The following NAV2 variants were observed in gnomAD, a reference collection of about 807,000 sequenced individuals.
NAV2 encodes the protein helicase, APC down-regulated 1.
In NAV2, 54 loss-of-function variants were observed where a neutral mutation model predicts 223.2. The observed-to-expected ratio is 0.24, with a 90% confidence interval of 0.19 to 0.30. The LOEUF (loss-of-function observed/expected upper bound fraction) is 0.30, where lower values mean the gene tolerates loss of function less well. NAV2 is among the 10% of genes least tolerant of loss of function. The pLI is 1.00. For missense variants in NAV2, 2,806 were observed against 3,147.5 expected (o/e 0.89, Z 2.60); for synonymous variants, 1,279 against 1,239.3 (o/e 1.03, Z -0.67).
intron 11 of NAV2, among the ~76,000 whole-genome samples, chr11:20,001,117 T>C: frequency 6.6e-6 from 1 of 152,054 alleles, no homozygotes; most frequent in East Asian, 1.9e-4. Flanking sequence ...CACCAAACAC[T>C]TGGCAGTCTC....
chr11:19,714,535 G>A (rs1020604530), intron 1 of NAV2: 2 of 454,028 alleles, frequency 4.4e-6, no homozygotes, highest in Admixed American at 2.4e-5. Flanking sequence ...GCAAGGTGCT[G>A]GGACTGCGGT....
At chr11:20,054,467 C>A (rs866501938) in intron 18 of NAV2, among the ~76,000 whole-genome samples, 1 of 151,858 alleles carries the variant, frequency 6.6e-6, no homozygotes, top group Middle Eastern at 3.2e-3. Context: ...TCTGATTAGC[C>A]CTCGGCAATA....
At chr11:19,624,612 T>C (rs1173369757) in intron 1 of NAV2, among the ~76,000 whole-genome samples, 4 of 152,204 alleles carry the variant, frequency 2.6e-5, no homozygotes, top group Non-Finnish European at 5.9e-5. Context: ...AAAAGCACTG[T>C]ATTAGGGTGG....
chr11:19,414,679 G>A (rs1177022205), intron 1 of NAV2, among the ~76,000 whole-genome samples: 1 of 152,074 alleles, frequency 6.6e-6, no homozygotes, highest in Non-Finnish European at 1.5e-5. Context: ...TTCTAAAACT[G>A]ACCACATAAT....
At position 19,939,743 on chromosome 11, in the gene NAV2, A is replaced by T; in HGVS notation, c.2116A>T (p.Thr706Ser). ...VSVEPSHFTKTGQPALEELTG... is the reference protein window; with the variant it reads ...VSVEPSHFTKSGQPALEELTG... The stretch of plus-strand genomic sequence containing the variant: ...CGTGGAGCCCAGCCACTTCACCAAG[A>T]CTGGACAGCCTGCTCTGGAAGAACT... Residue 706 changes from threonine (T) to serine (S), a missense_variant, in exon 8 of 38, where the codon ACT (threonine) becomes TCT (serine). Coordinates refer to ENST00000349880, the MANE Select transcript of NAV2 (RefSeq NM_145117.5). 1 of 1,614,116 alleles carries T rather than the reference A, an allele frequency of 6.2e-7. No homozygotes were observed. Among genetic ancestry groups the T allele is most frequent in the Non-Finnish European group, 8.5e-7 (1 of 1,180,002 alleles).
intron 1 of NAV2, among the ~76,000 whole-genome samples, chr11:19,400,060 G>A (rs1438097252): frequency 1.3e-5 from 2 of 152,202 alleles, no homozygotes; most frequent in African/African-American, 4.8e-5. Flanking sequence ...ACTATAAAGA[G>A]CAGAGTACAT....
intron 1 of NAV2, among the ~76,000 whole-genome samples, chr11:19,441,472 A>C (rs1049722396): frequency 6.6e-5 from 10 of 151,408 alleles, no homozygotes; most frequent in South Asian, 4.2e-4. Context: ...ACACACACAC[A>C]CCCTTCAACA....
chr11:20,100,614 C>T (rs923038759), intron 31 of NAV2, among the ~76,000 whole-genome samples: 1 of 150,256 alleles, frequency 6.7e-6, no homozygotes, highest in Non-Finnish European at 1.5e-5. Flanking sequence ...TAAATCCAGA[C>T]AGGCAAATAG....
intron 6 of NAV2, among the ~76,000 whole-genome samples, chr11:19,928,885 C>T (rs1806323221): frequency 6.6e-6 from 1 of 152,152 alleles, no homozygotes; most frequent in Admixed American, 6.5e-5. Flanking sequence ...CACACCTCCC[C>T]TTTGTTTAAC....
intron 1 of NAV2, among the ~76,000 whole-genome samples, chr11:19,821,859 G>A (rs2059397474): frequency 6.6e-6 from 1 of 152,128 alleles, no homozygotes; most frequent in Non-Finnish European, 1.5e-5. Context: ...CACTGCTGTA[G>A]CACTTGACCT....
At chr11:19,353,947 A>G (rs1159621373) in intron 1 of NAV2, among the ~76,000 whole-genome samples, 4 of 152,226 alleles carry the variant, frequency 2.6e-5, no homozygotes, top group African/African-American at 9.6e-5. Context: ...TTTGTCATTT[A>G]AAATAATGTG....
intron 10 of NAV2, among the ~76,000 whole-genome samples, chr11:19,956,432 T>C (rs2047888254): frequency 6.6e-6 from 1 of 150,836 alleles, no homozygotes; most frequent in Non-Finnish European, 1.5e-5. Context: ...CAGATGCCAA[T>C]CACAAGTCAT....
At chr11:20,083,824 T>C (rs1442871562) in intron 26 of NAV2, among the ~76,000 whole-genome samples, 1 of 152,240 alleles carries the variant, frequency 6.6e-6, no homozygotes. Flanking sequence ...CCAAGTTAAA[T>C]ACTATGCATG....
intron 19 of NAV2, among the ~76,000 whole-genome samples, chr11:20,059,932 G>T (rs983471330): frequency 6.6e-6 from 1 of 152,230 alleles, no homozygotes; most frequent in Non-Finnish European, 1.5e-5. Flanking sequence ...GAAGGAGGCC[G>T]AACTGCAATG....
rs1231342439 is a variant in NAV2 at position 19,627,280 on chromosome 11, C to T, written c.76-205204C>T. On this transcript the variant is annotated intron_variant, in intron 1 of 37. Transcript: ENST00000360655. ...TTGTGTGCCTGTAATCCCAGGTACT[C>T]AGGAGGCTGAGGCAGGAGAAATTGC... Among the ~76,000 whole-genome samples the T allele has an allele frequency of 2.6e-5, 4 of 152,038 alleles. No individual in the cohort carries two copies. The East Asian group carries it at 7.7e-4, about 29-fold the overall frequency.
rs927673017 is a variant in NAV2 at position 20,056,096 on chromosome 11, T to C, written c.4831+139T>C. 3 of 749,354 alleles carry C rather than the reference T, an allele frequency of 4.0e-6. No homozygotes were observed. The African/African-American group carries it at 5.3e-5, about 13-fold the overall frequency. 46.4% of individuals were successfully genotyped at this position (749,354 alleles called of 1,614,324 possible). A position where few individuals can be genotyped will look rare whatever the true frequency, so the allele number is the denominator to read the frequency against. On this transcript the variant is annotated intron_variant, in intron 19 of 37. Transcript: ENST00000349880. ...AAGTGCTCCCACCTCTCCCACCTAC[T>C]CTGGGGGTCAGGGGTGGGGATCTCT... is the stretch of plus-strand genomic sequence containing the variant.
At position 19,592,164 on chromosome 11, in the gene NAV2, C is replaced by T. The variant is rs553610500; in HGVS notation, c.76-240320C>T. ...CAATATTGATTTGTTGCTCATTCAG[C>T]GCCTATCTTCATTGACTATCCTCTG... On this transcript the variant is annotated intron_variant, in intron 1 of 37. Coordinates refer to the NAV2 transcript ENST00000360655. 3.9e-4 allele frequency among the ~76,000 whole-genome samples: 59 copies of T among 152,206 alleles called. 1 individual carries two copies. The highest frequency in any genetic ancestry group is 1.3e-3 in the African/African-American group (55 of 41,536).
intron 1 of NAV2, among the ~76,000 whole-genome samples, chr11:19,501,407 C>T (rs1198552604): frequency 6.6e-6 from 1 of 152,108 alleles, no homozygotes; most frequent in Non-Finnish European, 1.5e-5. Flanking sequence ...CTGTTGGCTA[C>T]CGACCTGCCT....
chr11:19,992,829 G>A (rs1655135481), intron 11 of NAV2, among the ~76,000 whole-genome samples: 2 of 152,014 alleles, frequency 1.3e-5, no homozygotes, highest in Non-Finnish European at 2.9e-5. Context: ...CCTGATCTCC[G>A]GTGATCCACC....
Sources: gnomAD v4.1 joint callset for allele counts (sites outside exome capture counted in the v4.1 genomes callset) on GRCh38, gnomAD v4.1.1 for gene constraint, MANE v1.5 for transcripts, NCBI Gene and HGNC (gene_info 2026-07-23, HGNC 2026-07-21) for gene names.